CLASP2: variants seen among roughly 807,000 people sequenced by gnomAD.
CLASP2 encodes cytoplasmic linker associated protein 2, also known as CLIP-associating protein 2.
Under a neutral mutation model 194.4 loss-of-function variants are expected in CLASP2, and 47 were observed. The observed-to-expected ratio is 0.24, with a 90% confidence interval of 0.19 to 0.31. CLASP2 has a LOEUF of 0.31. Among genes scored for constraint, CLASP2 ranks in the 10% least tolerant of loss-of-function variants. The pLI, the probability that CLASP2 is intolerant of heterozygous loss-of-function variation, is 1.00. For missense variants in CLASP2, 1,445 were observed against 1,823.6 expected, an observed-to-expected ratio of 0.79 and a Z score of 3.78; for synonymous variants, 619 against 633.5, an observed-to-expected ratio of 0.98 and a Z score of 0.34.
At chr3:33,532,719 G>C (rs1299667243) in intron 34 of CLASP2, among the ~76,000 whole-genome samples, 1 of 152,162 alleles carries the variant, frequency 6.6e-6, no homozygotes, top group Non-Finnish European at 1.5e-5. Flanking sequence ...TTTAGAGACA[G>C]AATCTCATTT....
intron 30 of CLASP2, among the ~76,000 whole-genome samples, chr3:33,549,898 C>G (rs2059724042): frequency 6.6e-6 from 1 of 151,698 alleles, no homozygotes; most frequent in Admixed American, 6.6e-5. Context: ...GCCAATGCAC[C>G]CAATTTTTTT....
Position 33,527,059 on chromosome 3 carries a change from G to GA in CLASP2, c.3787+8173dup, listed in dbSNP as rs1400224947. ...AAAATAACAACCTAACTTCATAACTGAAAGAATTAGAGAAGGAAGAACAAA... is the reference window on the plus strand; with the variant it reads ...AAAATAACAACCTAACTTCATAACTGAAAAGAATTAGAGAAGGAAGAACAAA... On this transcript the variant is annotated intron_variant, in intron 34 of 38. Coordinates refer to ENST00000682230, the MANE Select transcript of CLASP2 (RefSeq NM_001365631.1). Among the ~76,000 whole-genome samples the GA allele has an allele frequency of 3.9e-3, 593 of 152,178 alleles. 4 individuals are homozygous for GA. Among genetic ancestry groups the GA allele is most frequent in the African/African-American group, 0.013 (553 of 41,538 alleles).
At chr3:33,650,768 T>A (rs532951857) in intron 7 of CLASP2, among the ~76,000 whole-genome samples, 2 of 149,252 alleles carry the variant, frequency 1.3e-5, no homozygotes, top group Non-Finnish European at 3.0e-5. Flanking sequence ...AAGAAAGGAG[T>A]ACAAGAAGGG....
At chr3:33,561,580 T>G (rs1300503721) in intron 27 of CLASP2, among the ~76,000 whole-genome samples, 2 of 152,226 alleles carry the variant, frequency 1.3e-5, no homozygotes, top group African/African-American at 4.8e-5. Context: ...TAAATTTCAG[T>G]GATTTTTAAA....
chr3:33,599,837 G>A (rs9847215), intron 18 of CLASP2, among the ~76,000 whole-genome samples: 6,588 of 152,154 alleles, frequency 0.043, 466 homozygotes, highest in African/African-American at 0.15. Flanking sequence ...TGAAAAAGCC[G>A]CAGGCAGGTA....
chr3:33,572,824 A>G, intron 25 of CLASP2, among the ~76,000 whole-genome samples: 1 of 152,082 alleles, frequency 6.6e-6, no homozygotes, highest in East Asian at 1.9e-4. Context: ...TTATTATTAA[A>G]TATTAAAATT....
intron 30 of CLASP2, among the ~76,000 whole-genome samples, chr3:33,548,763 CTTTTTTTTTTTT>C (rs57112524): frequency 3.2e-5 from 3 of 93,146 alleles, no homozygotes; most frequent in Non-Finnish European, 6.4e-5. Context: ...GGTTTCATTT[CTTTTTTTTTTTT>C]TTTTTTTTTT....
chr3:33,546,097 A>G (rs1576237613), intron 30 of CLASP2, among the ~76,000 whole-genome samples: 1 of 152,222 alleles, frequency 6.6e-6, no homozygotes, highest in African/African-American at 2.4e-5. Context: ...ATGGACCACA[A>G]GTAAACTTGA....
chr3:33,654,894 C>T (rs896326945), intron 7 of CLASP2, among the ~76,000 whole-genome samples: 1 of 152,076 alleles, frequency 6.6e-6, no homozygotes, highest in Admixed American at 6.6e-5. Context: ...GTAGATATAA[C>T]TGACTAGTTA....
chr3:33,589,365 G>C (rs1439407934), intron 21 of CLASP2, among the ~76,000 whole-genome samples: 1 of 151,968 alleles, frequency 6.6e-6, no homozygotes, highest in African/African-American at 2.4e-5. Flanking sequence ...TGATCTGAGA[G>C]ACTTTTTTTT....
chr3:33,697,527 C>G (rs1166784850), intron 1 of CLASP2, among the ~76,000 whole-genome samples: 4 of 152,210 alleles, frequency 2.6e-5, no homozygotes, highest in Non-Finnish European at 5.9e-5. Flanking sequence ...TTATTATAAT[C>G]TTATGGGACC....
At chr3:33,641,675 T>G (rs188632494) in intron 8 of CLASP2, among the ~76,000 whole-genome samples, 1 of 151,972 alleles carries the variant, frequency 6.6e-6, no homozygotes, top group Non-Finnish European at 1.5e-5. Context: ...AATCTGGATA[T>G]ATATCTCTAG....
At chr3:33,684,001 G>C (rs1448695621) in intron 6 of CLASP2, among the ~76,000 whole-genome samples, 1 of 150,708 alleles carries the variant, frequency 6.6e-6, no homozygotes, top group Non-Finnish European at 1.5e-5. Context: ...CCCAGCACTT[G>C]GGGAGGCTGA....
At chr3:33,612,636 A>G (rs2075394750) in intron 12 of CLASP2, among the ~76,000 whole-genome samples, 1 of 152,214 alleles carries the variant, frequency 6.6e-6, no homozygotes, top group African/African-American at 2.4e-5. Flanking sequence ...TGAAGCAAAC[A>G]GTAAAAAGTT....
At chr3:33,649,395 T>C (rs1230001241) in intron 7 of CLASP2, among the ~76,000 whole-genome samples, 2 of 152,196 alleles carry the variant, frequency 1.3e-5, no homozygotes, top group South Asian at 4.1e-4. Flanking sequence ...ACTTTGCCCC[T>C]GTTATATCTT....
chr3:33,592,438 A>C lies in CLASP2; in HGVS notation c.2025T>G (p.Asp675Glu). 6.2e-7 allele frequency: 1 copy of C among 1,613,864 alleles called. No individual in the cohort carries two copies. The highest frequency in any genetic ancestry group is 8.5e-7 in the Non-Finnish European group (1 of 1,179,844). ...TTTTTGTTCGACTTCTTCCTCTAGA[A>C]TCTGCCTTGGCATTTCCCATGCCAG... ...PLAGMGNAKADSRGRSRTKMV... is the reference protein window; with the variant it reads ...PLAGMGNAKAESRGRSRTKMV... Residue 675 changes from aspartate to glutamate, a missense_variant, in exon 21 of 39, where the codon GAT becomes GAG. Physicochemically the swap from Asp to Glu is conservative, Grantham distance 45. Around this residue, in one of 4 missense-constraint regions of CLASP2, gnomAD observed 174 missense variants for 179.0 expected, o/e 0.97. Transcript: ENST00000682230.
intron 37 of CLASP2, among the ~76,000 whole-genome samples, chr3:33,506,415 T>G (rs2048236427): frequency 7.0e-6 from 1 of 143,874 alleles, no homozygotes; most frequent in Non-Finnish European, 1.5e-5. Flanking sequence ...AAGAATTTGC[T>G]TTGAAATAAA....
intron 18 of CLASP2, among the ~76,000 whole-genome samples, chr3:33,597,077 C>T (rs2070609654): frequency 6.6e-6 from 1 of 152,104 alleles, no homozygotes; most frequent in Non-Finnish European, 1.5e-5. Flanking sequence ...AGTCACATTG[C>T]CTTGTTTCTT....
chr3:33,666,427 T>C (rs1282440339), intron 6 of CLASP2, among the ~76,000 whole-genome samples: 1 of 152,228 alleles, frequency 6.6e-6, no homozygotes, highest in African/African-American at 2.4e-5. Context: ...ATCTAGCCTA[T>C]GAGTTGCCAT....
Sources: allele counts gnomAD v4.1 joint callset (sites outside exome capture counted in the v4.1 genomes callset), GRCh38; gene constraint gnomAD v4.1.1; regional missense constraint gnomAD v4.1.1; transcripts MANE v1.5; gene names NCBI Gene and HGNC (gene_info 2026-07-23, HGNC 2026-07-21).